ERI1: variants seen among roughly 807,000 people sequenced by gnomAD.
The protein encoded by ERI1 is exoribonuclease 1, also known as 3'-5' exoribonuclease 1.
ERI1 carries 39 observed loss-of-function variants against 39.7 expected under a neutral mutation model. The observed-to-expected ratio is 0.98, with a 90% CI of 0.76 to 1.28. The LOEUF (loss-of-function observed/expected upper bound fraction) is 1.28. Among genes scored for constraint, ERI1 ranks in the 50% most tolerant of loss-of-function variants. The pLI, the probability that ERI1 is intolerant of heterozygous loss-of-function variation, is 0.00. For synonymous variants in ERI1, 204 were observed against 149.6 expected (o/e 1.36, Z -2.65); for missense variants, 581 against 416.9 (o/e 1.39, Z -3.43).
At position 9,043,955 on chromosome 8, in the gene ERI1, A is replaced by G. The variant is rs138868575; in HGVS notation, n.299+23491A>G. On this transcript the variant is annotated intron_variant and non_coding_transcript_variant, in intron 3 of 3. Transcript: ENST00000518663. ...GTAAAGTAAGTTTCAAAAGAGGCCT[A>G]CGGTGTAGCATGGTGTTTAAGGCTA... Among the ~76,000 whole-genome samples the G allele has an allele frequency of 1.1e-3, 166 of 152,350 alleles. 1 individual carries two copies. The highest frequency in any genetic ancestry group is 3.8e-3 in the African/African-American group (158 of 41,584).
chr8:9,020,499 T>C (rs1489577246), intron 6 of ERI1, 35 bp downstream of exon 6: 1 of 1,319,580 alleles, frequency 7.6e-7, no homozygotes, highest in Non-Finnish European at 1.1e-6. Flanking sequence ...ACGTGGTTCT[T>C]AATGATAAAT....
intron 3 of ERI1, among the ~76,000 whole-genome samples, chr8:9,082,685 G>A (rs1799404797): frequency 6.6e-6 from 1 of 152,096 alleles, no homozygotes; most frequent in Admixed American, 6.6e-5. Flanking sequence ...TTAGGCAAAT[G>A]GATTCTCTCC....
At chr8:9,065,265 TA>T (rs1798838038) in intron 3 of ERI1, among the ~76,000 whole-genome samples, 1 of 152,186 alleles carries the variant, frequency 6.6e-6, no homozygotes, top group Non-Finnish European at 1.5e-5. Flanking sequence ...TAAGATTGTT[TA>T]GTTGTTTTTG....
At chr8:9,073,405 G>C (rs939057074) in intron 3 of ERI1, among the ~76,000 whole-genome samples, 4 of 152,320 alleles carry the variant, frequency 2.6e-5, no homozygotes, top group African/African-American at 9.6e-5. Context: ...CGTGAGAGAA[G>C]ATACAGTTGG....
intron 3 of ERI1, among the ~76,000 whole-genome samples, chr8:9,038,990 G>A (rs185179887): frequency 6.6e-6 from 1 of 152,286 alleles, no homozygotes. Context: ...TTCTTCAGCT[G>A]ACAGCATGAT....
chr8:9,039,624 T>C (rs892899057), intron 3 of ERI1, among the ~76,000 whole-genome samples: 7 of 152,228 alleles, frequency 4.6e-5, no homozygotes, highest in Non-Finnish European at 8.8e-5. Context: ...ATTCTTTCAA[T>C]ATAGGTGTGT....
intron 6 of ERI1, among the ~76,000 whole-genome samples, chr8:9,028,443 G>A (rs911832498): frequency 1.4e-4 from 21 of 152,104 alleles, no homozygotes; most frequent in African/African-American, 5.1e-4. Context: ...GATAATTATA[G>A]GTGTTTTACA....
intron 2 of ERI1, among the ~76,000 whole-genome samples, chr8:9,009,617 G>A (rs1816450926): frequency 6.6e-6 from 1 of 151,832 alleles, no homozygotes; most frequent in African/African-American, 2.4e-5. Flanking sequence ...TCGGCTCACT[G>A]CAACCTCCGA....
intron 1 of ERI1, among the ~76,000 whole-genome samples, 168 bp from the exon 2 acceptor site, chr8:9,007,802 C>A (rs1816180875): frequency 6.6e-6 from 1 of 152,134 alleles, no homozygotes; most frequent in South Asian, 2.1e-4. Flanking sequence ...GACGCATCTT[C>A]CTTCTTATCC....
chr8:9,007,795 G>T (rs539102127), intron 1 of ERI1, among the ~76,000 whole-genome samples, 175 bp from the exon 2 acceptor site: 1 of 152,110 alleles, frequency 6.6e-6, no homozygotes, highest in South Asian at 2.1e-4. Flanking sequence ...TATTGGAGAC[G>T]CATCTTCCTT....
downstream of ERI1, among the ~76,000 whole-genome samples, chr8:9,036,775 C>G (rs1488477201): frequency 6.6e-6 from 1 of 152,160 alleles, no homozygotes; most frequent in Non-Finnish European, 1.5e-5. Flanking sequence ...CACACCATCA[C>G]TGGTGATGGC....
intron 3 of ERI1, among the ~76,000 whole-genome samples, chr8:9,045,797 C>T (rs1221369738): frequency 1.3e-5 from 2 of 151,668 alleles, no homozygotes; most frequent in African/African-American, 2.4e-5. Context: ...CTGCCTCAGC[C>T]TCCTGAGTAG....
intron 3 of ERI1, among the ~76,000 whole-genome samples, chr8:9,049,469 G>T (rs760237245): frequency 2.0e-5 from 3 of 151,396 alleles, no homozygotes; most frequent in African/African-American, 7.3e-5. Flanking sequence ...AAGGGAGTGC[G>T]GGGAGTCCTG....
At chr8:9,058,117 C>T (rs569879328) in intron 3 of ERI1, among the ~76,000 whole-genome samples, 1 of 152,294 alleles carries the variant, frequency 6.6e-6, no homozygotes, top group Non-Finnish European at 1.5e-5. Context: ...TCAAAACAGA[C>T]TGCAGGGGGT....
intron 6 of ERI1, among the ~76,000 whole-genome samples, chr8:9,025,264 A>G (rs1818349043): frequency 6.6e-6 from 1 of 152,196 alleles, no homozygotes; most frequent in Non-Finnish European, 1.5e-5. Flanking sequence ...TCCTCACTTG[A>G]TATCAAGCCC....
intron 5 of ERI1, among the ~76,000 whole-genome samples, chr8:9,018,720 C>T (rs979150452): frequency 6.6e-6 from 1 of 152,184 alleles, no homozygotes; most frequent in South Asian, 2.1e-4. Context: ...CTTGAAGCCT[C>T]TTTCCTCTCA....
chr8:9,068,096 G>A (rs765408046), intron 3 of ERI1, among the ~76,000 whole-genome samples: 1 of 152,116 alleles, frequency 6.6e-6, no homozygotes. Flanking sequence ...TATTTTCAGA[G>A]CAACATCTAA....
chr8:9,082,946 A>G (rs1017675779), intron 3 of ERI1, among the ~76,000 whole-genome samples: 11 of 152,342 alleles, frequency 7.2e-5, no homozygotes, highest in African/African-American at 2.4e-4. Flanking sequence ...CAGATAAAAT[A>G]TGGAATATCT....
intron 6 of ERI1, among the ~76,000 whole-genome samples, chr8:9,025,196 T>C (rs963476402): frequency 2.6e-5 from 4 of 152,150 alleles, no homozygotes; most frequent in Non-Finnish European, 5.9e-5. Context: ...GAAAAATATT[T>C]AATTATCTCC....
Sources: allele counts gnomAD v4.1 joint callset (sites outside exome capture counted in the v4.1 genomes callset), GRCh38; gene constraint gnomAD v4.1.1; transcripts MANE v1.5; gene names NCBI Gene and HGNC (gene_info 2026-07-23, HGNC 2026-07-21).